The following OGDH variants were observed in gnomAD, a reference collection of about 807,000 sequenced individuals.
The protein encoded by OGDH is 2-oxoglutarate dehydrogenase complex component E1.
A neutral mutation model predicts 116.6 loss-of-function variants in OGDH; 38 were observed. The observed-to-expected ratio is 0.33, with a 90% CI of 0.25 to 0.43. OGDH has a LOEUF of 0.43. Ranked by LOEUF, OGDH falls within the 20% of genes least tolerant of loss-of-function variation. The pLI is 1.00. For synonymous variants in OGDH, 488 were observed against 533.3 expected, an observed-to-expected ratio of 0.92 and a Z score of 1.17; for missense variants, 825 against 1,357.2, an observed-to-expected ratio of 0.61 and a Z score of 6.16.
At chr7:44,682,205 T>C (rs555814203) in intron 10 of OGDH, among the ~76,000 whole-genome samples, 14 of 150,690 alleles carry the variant, frequency 9.3e-5, no homozygotes, top group African/African-American at 3.2e-4. Flanking sequence ...GCCTGGCCAA[T>C]GTGGTGAAAC....
chr7:44,634,586 C>G (rs1785583568), intron 2 of OGDH, among the ~76,000 whole-genome samples: 1 of 152,192 alleles, frequency 6.6e-6, no homozygotes, highest in Admixed American at 6.5e-5. Context: ...ATTCTGTCAC[C>G]TATAATGACT....
chr7:44,668,637 G>GT (rs1787291229), intron 5 of OGDH, among the ~76,000 whole-genome samples: 1 of 152,092 alleles, frequency 6.6e-6, no homozygotes, highest in Admixed American at 6.6e-5. Flanking sequence ...GGGCACCAGG[G>GT]GGGAGTGATA....
At chr7:44,610,628 G>C (rs532890645) in intron 1 of OGDH, among the ~76,000 whole-genome samples, 162 of 144,144 alleles carry the variant, frequency 1.1e-3, no homozygotes, top group African/African-American at 4.1e-3. Flanking sequence ...TTGTTTGTTT[G>C]TTTGAGACGG....
At chr7:44,681,285 G>T (rs1298386256) in intron 9 of OGDH, among the ~76,000 whole-genome samples, 3 of 152,224 alleles carry the variant, frequency 2.0e-5, no homozygotes, top group Non-Finnish European at 2.9e-5. Flanking sequence ...TCCCAAGTGG[G>T]GACCCAAGGT....
chr7:44,656,270 G>C (rs1786686233), intron 4 of OGDH: 4 of 1,532,510 alleles, frequency 2.6e-6, no homozygotes, highest in Non-Finnish European at 3.5e-6. Context: ...ACTCTCACCT[G>C]TCTTTTTCCT....
chr7:44,661,595 T>G (rs1045136236), intron 4 of OGDH, among the ~76,000 whole-genome samples: 4 of 152,118 alleles, frequency 2.6e-5, no homozygotes, highest in Non-Finnish European at 5.9e-5. Flanking sequence ...ATGTATAGTT[T>G]ATGGTTTTTT....
At chr7:44,641,950 T>A (rs1166857049) in intron 2 of OGDH, among the ~76,000 whole-genome samples, 1 of 152,226 alleles carries the variant, frequency 6.6e-6, no homozygotes, top group Non-Finnish European at 1.5e-5. Flanking sequence ...TCCTCTGTTT[T>A]CTCTCCTAAG....
intron 3 of OGDH, among the ~76,000 whole-genome samples, chr7:44,646,743 T>G (rs1230957072): frequency 1.3e-5 from 2 of 152,174 alleles, no homozygotes; most frequent in South Asian, 2.1e-4. Context: ...AATCAGATGC[T>G]TTAAGTCTGT....
At position 44,696,425 on chromosome 7, in the gene OGDH, C is replaced by T. The variant is rs1788584482; in HGVS notation, c.1772-4C>T. On this transcript the variant is annotated splice_polypyrimidine_tract_variant and splice_region_variant and intron_variant, in intron 13 of 22. Coordinates refer to ENST00000222673, the MANE Select transcript of OGDH (RefSeq NM_002541.4). Reference sequence around the variant, plus strand: ...TCATGCCTCAGTTGTTCTTCTTCTCCTAGGCTTCTTCACCCTGGACGGGCA... The same window carrying T: ...TCATGCCTCAGTTGTTCTTCTTCTCTTAGGCTTCTTCACCCTGGACGGGCA... 2 of 1,611,498 alleles carry T rather than the reference C, an allele frequency of 1.2e-6. No individual in the cohort carries two copies. The highest frequency in any genetic ancestry group is 1.1e-5 in the South Asian group (1 of 90,764).
rs1789133118 is a variant in OGDH at position 44,707,452 on chromosome 7, AG to A, written c.2796+65del. On this transcript the variant is annotated intron_variant, in intron 21 of 22. Transcript: ENST00000222673. This position sits in a 1 kb window ranked among gnomAD's most constrained non-coding sequence, Gnocchi z 5.2. ...GGGGTCAGGGCTCTGGTGCCTTCAC[AG>A]AACAGCCTTGCTTGGGGTGTGGCCC... 4 of 1,603,180 alleles carry A rather than the reference AG, an allele frequency of 2.5e-6. No homozygotes were observed. Among genetic ancestry groups the A allele is most frequent in the Non-Finnish European group, 3.4e-6 (4 of 1,173,920 alleles).
rs1786670146 is a variant in OGDH, at chr7:44,655,896, C to T, written c.517+8137C>T. Among the ~76,000 whole-genome samples, 4 of 152,144 alleles carry T rather than the reference C, an allele frequency of 2.6e-5. No individual in the cohort carries two copies. The South Asian group carries it at 8.3e-4, about 31-fold the overall frequency. On this transcript the variant is annotated intron_variant, in intron 4 of 22. Coordinates refer to ENST00000222673, the MANE Select transcript of OGDH (RefSeq NM_002541.4). ...AGTAGTCTGCCACCTGAATCTAGTG[C>T]TGAGAAATATCTGCTCTAAAAATTA...
intron 5 of OGDH, 139 bp from the exon 6 acceptor site, chr7:44,673,648 C>T: frequency 1.2e-6 from 1 of 815,860 alleles, no homozygotes. Context: ...ATCCCATCCT[C>T]AGTCACACTT....
chr7:44,658,498 G>A (rs1246103664), intron 4 of OGDH, among the ~76,000 whole-genome samples: 1 of 146,664 alleles, frequency 6.8e-6, no homozygotes, highest in Admixed American at 6.9e-5. Flanking sequence ...TATATAGACA[G>A]TCATGTCATC....
At chr7:44,664,811 A>G (rs1585317472) in intron 4 of OGDH, among the ~76,000 whole-genome samples, 1 of 152,232 alleles carries the variant, frequency 6.6e-6, no homozygotes, top group African/African-American at 2.4e-5. Flanking sequence ...AAGAACTAAA[A>G]GTGTACCAGC....
chr7:44,700,894 C>T (rs1158722529), intron 19 of OGDH, among the ~76,000 whole-genome samples: 1 of 152,072 alleles, frequency 6.6e-6, no homozygotes, highest in Non-Finnish European at 1.5e-5. Context: ...CGGGCACTTG[C>T]AGTCCCAGCT....
intron 20 of OGDH, among the ~76,000 whole-genome samples, chr7:44,702,742 G>A (rs190419018): frequency 2.6e-5 from 4 of 152,036 alleles, no homozygotes; most frequent in African/African-American, 7.2e-5. Context: ...GCAGGCGCCC[G>A]CCACCACGCC....
In OGDH at chr7:44,671,753, G is replaced by T. The variant is rs536282199; in HGVS notation, c.634-2034G>T. On this transcript the variant is annotated intron_variant, in intron 5 of 22. Coordinates refer to ENST00000222673, the MANE Select transcript of OGDH (RefSeq NM_002541.4). The stretch of plus-strand genomic sequence containing the variant: ...ACTGCACTCCAGTCTGGGCGACAAA[G>T]CGAGACTGCGTCTCAAAAAAAAAAA... Among the ~76,000 whole-genome samples the T allele has an allele frequency of 8.0e-4, 108 of 134,814 alleles. 1 individual carries two copies. Among genetic ancestry groups the T allele is most frequent in the African/African-American group, 2.7e-3 (97 of 35,536 alleles). The allele number at this position is 134,814 out of a possible 152,430, so 88.4% of individuals were successfully genotyped here.
At chr7:44,631,318 G>A (rs1235655634) in intron 2 of OGDH, among the ~76,000 whole-genome samples, 1 of 152,158 alleles carries the variant, frequency 6.6e-6, no homozygotes, top group Non-Finnish European at 1.5e-5. Context: ...GATTCAGGAG[G>A]TACATGTGTG....
At chr7:44,666,284 T>G (rs1787182007) in intron 4 of OGDH, among the ~76,000 whole-genome samples, 1 of 152,212 alleles carries the variant, frequency 6.6e-6, no homozygotes, top group Non-Finnish European at 1.5e-5. Context: ...CATACATATA[T>G]TATTGTCATA....
Sources: gnomAD v4.1 joint callset for allele counts (sites outside exome capture counted in the v4.1 genomes callset) on GRCh38, gnomAD v4.1.1 for gene constraint, Gnocchi (gnomAD v3.1) non-coding constraint, MANE v1.5 for transcripts, NCBI Gene and HGNC (gene_info 2026-07-23, HGNC 2026-07-21) for gene names.